The following RBFOX1 variants were observed in gnomAD, a reference collection of about 807,000 sequenced individuals.
The protein encoded by RBFOX1 is RNA binding fox-1 homolog 1, also known as RNA binding protein fox-1 homolog 1.
A neutral mutation model predicts 57.7 loss-of-function variants in RBFOX1; 8 were observed. That is an observed-to-expected ratio of 0.14 (90% CI 0.08 to 0.25). RBFOX1 has a LOEUF of 0.25. Among genes scored for constraint, RBFOX1 ranks in the 10% least tolerant of loss-of-function variants. RBFOX1 has a pLI of 1.00. For synonymous variants in RBFOX1, 326 were observed against 222.4 expected, an observed-to-expected ratio of 1.47 and a Z score of -4.15; for missense variants, 611 against 548.5, an observed-to-expected ratio of 1.11 and a Z score of -1.14.
At chr16:7,347,885 G>T (rs908067986) in intron 4 of RBFOX1, among the ~76,000 whole-genome samples, 2 of 152,160 alleles carry the variant, frequency 1.3e-5, no homozygotes, top group Non-Finnish European at 2.9e-5. Flanking sequence ...GCGTCTTGCA[G>T]GGTGTATTGA....
intron 1 of RBFOX1, among the ~76,000 whole-genome samples, chr16:6,153,411 G>T (rs1026303693): frequency 4.6e-5 from 7 of 152,058 alleles, no homozygotes; most frequent in Non-Finnish European, 8.8e-5. Context: ...ACACACAATT[G>T]CTTTTTATTA....
At chr16:6,007,386 C>G (rs562063133) in intron 4 of RBFOX1, among the ~76,000 whole-genome samples, 2 of 152,268 alleles carry the variant, frequency 1.3e-5, no homozygotes, top group Admixed American at 1.3e-4. Flanking sequence ...GCCTGAAGCC[C>G]CCAAGGAACT....
intron 1 of RBFOX1, among the ~76,000 whole-genome samples, chr16:6,104,134 C>G (rs2096349575): frequency 6.7e-6 from 1 of 148,356 alleles, no homozygotes; most frequent in African/African-American, 2.5e-5. Context: ...CCAGTTGAAA[C>G]ACACACACAC....
chr16:7,685,299 A>C (rs2075821895), intron 14 of RBFOX1, among the ~76,000 whole-genome samples: 1 of 151,892 alleles, frequency 6.6e-6, no homozygotes, highest in African/African-American at 2.4e-5. Context: ...TTGCCTCTCT[A>C]CTCTCCCTTC....
At chr16:5,417,365 G>C (rs950041649) in intron 1 of RBFOX1, among the ~76,000 whole-genome samples, 1 of 152,222 alleles carries the variant, frequency 6.6e-6, no homozygotes, top group African/African-American at 2.4e-5. Flanking sequence ...AATTCAGTAA[G>C]TCTGGCAAAA....
chr16:7,570,748 A>C lies in RBFOX1; in HGVS notation c.271-9029A>C, dbSNP rs574021038. 3.3e-5 allele frequency among the ~76,000 whole-genome samples: 5 copies of C among 152,352 alleles called. No individual in the cohort carries two copies. The South Asian group carries it at 8.3e-4, about 25-fold the overall frequency. On this transcript the variant is annotated intron_variant, in intron 5 of 15. Transcript: ENST00000550418. ...AATCCAATTTCTGGGTATATACCAA[A>C]GGAATATAAATCATTCTGTTACAGA...
Position 7,026,660 on chromosome 16 carries a change from C to G in RBFOX1, c.-15-25397C>G, listed in dbSNP as rs549015292. ...CCTGGTCAGGATCCAGCTGAAACAA[C>G]CAGAAATACTGTCCCTGTACCTCTC... On this transcript the variant is annotated intron_variant, in intron 3 of 15. Coordinates refer to ENST00000550418, the MANE Select transcript of RBFOX1 (RefSeq NM_018723.4). 1.2e-3 allele frequency among the ~76,000 whole-genome samples: 182 copies of G among 152,244 alleles called. 1 individual carries two copies. The highest frequency in any genetic ancestry group is 4.2e-3 in the African/African-American group (175 of 41,556).
chr16:7,377,732 G>C (rs1263954704), intron 4 of RBFOX1, among the ~76,000 whole-genome samples: 1 of 152,196 alleles, frequency 6.6e-6, no homozygotes, highest in East Asian at 1.9e-4. Context: ...TCAGGCACCA[G>C]AGACACAGGG....
chr16:7,096,126 A>G (rs183310408), intron 4 of RBFOX1, among the ~76,000 whole-genome samples: 16 of 152,322 alleles, frequency 1.1e-4, no homozygotes, highest in Admixed American at 1.3e-4. Context: ...TATGATCCCA[A>G]TCTTCATATA....
chr16:6,259,495 A>G (rs754964841), intron 1 of RBFOX1, among the ~76,000 whole-genome samples: 35 of 152,214 alleles, frequency 2.3e-4, no homozygotes, highest in Admixed American at 8.5e-4. Context: ...TAGGTAAAAT[A>G]TCTTTCTTCT....
At chr16:7,672,077 G>C (rs2071636208) in intron 13 of RBFOX1, among the ~76,000 whole-genome samples, 1 of 152,138 alleles carries the variant, frequency 6.6e-6, no homozygotes, top group Admixed American at 6.5e-5. Flanking sequence ...GCAACATTAA[G>C]GGCCAGCATA....
chr16:6,848,161 C>T (rs1238465076), intron 3 of RBFOX1, among the ~76,000 whole-genome samples: 3 of 151,926 alleles, frequency 2.0e-5, no homozygotes, highest in African/African-American at 2.4e-5. Flanking sequence ...TGTTACCCCA[C>T]AAGGAGGCTG....
chr16:5,373,126 G>C (rs1567406964), intron 1 of RBFOX1, among the ~76,000 whole-genome samples: 1 of 152,190 alleles, frequency 6.6e-6, no homozygotes. Flanking sequence ...GGAGGAGGAC[G>C]TGAAATGGAT....
intron 3 of RBFOX1, among the ~76,000 whole-genome samples, chr16:5,726,260 C>A (rs554253789): frequency 1.3e-5 from 2 of 151,740 alleles, no homozygotes; most frequent in South Asian, 2.1e-4. Flanking sequence ...TTTATGGGAC[C>A]GTTGTCTCCC....
chr16:5,466,225 C>T (rs540320571), intron 1 of RBFOX1, among the ~76,000 whole-genome samples: 3 of 152,322 alleles, frequency 2.0e-5, no homozygotes, highest in South Asian at 4.1e-4. Context: ...GGGCTCGGGG[C>T]AGGCTGGCCC....
At chr16:7,013,708 A>G (rs1331778902) in intron 3 of RBFOX1, among the ~76,000 whole-genome samples, 1 of 152,178 alleles carries the variant, frequency 6.6e-6, no homozygotes, top group Non-Finnish European at 1.5e-5. Context: ...CCCAGGCTGG[A>G]GTGCACTGGC....
chr16:5,467,296 C>G, intron 2 of RBFOX1: 2 of 1,450,694 alleles, frequency 1.4e-6, no homozygotes, highest in Non-Finnish European at 9.3e-7. Flanking sequence ...TCTGTGAAGT[C>G]TAGTGGAAAT....
chr16:5,588,725 C>G (rs986433548), intron 2 of RBFOX1, among the ~76,000 whole-genome samples: 1 of 152,146 alleles, frequency 6.6e-6, no homozygotes, highest in African/African-American at 2.4e-5. Flanking sequence ...AATGATCACT[C>G]TGGCTGTCAA....
chr16:6,584,232 A>G (rs936249435), intron 2 of RBFOX1, among the ~76,000 whole-genome samples: 4 of 151,640 alleles, frequency 2.6e-5, no homozygotes, highest in Non-Finnish European at 5.9e-5. Flanking sequence ...TTTAGGGCCC[A>G]TCAAAGGTAG....
Sources: gnomAD v4.1 joint callset for allele counts (sites outside exome capture counted in the v4.1 genomes callset) on GRCh38, gnomAD v4.1.1 for gene constraint, MANE v1.5 for transcripts, NCBI Gene and HGNC (gene_info 2026-07-23, HGNC 2026-07-21) for gene names.